SORCS1: variants seen among roughly 807,000 people sequenced by gnomAD.
SORCS1 encodes the protein VPS10 domain-containing receptor SorCS1.
SORCS1 carries 60 observed loss-of-function variants against 146.1 expected under a neutral mutation model. The ratio of observed to expected loss-of-function variants is 0.41; its 90% CI spans 0.33 to 0.51. The LOEUF (loss-of-function observed/expected upper bound fraction) is 0.51, where lower values mean the gene tolerates loss of function less well. SORCS1 is among the 20% of genes least tolerant of loss of function. The pLI, the probability that SORCS1 is intolerant of heterozygous loss-of-function variation, is 0.21. For synonymous variants in SORCS1, 637 were observed against 584.0 expected (o/e 1.09, Z -1.31); for missense variants, 1,352 against 1,487.6 (o/e 0.91, Z 1.50).
At chr10:107,026,910 T>A (rs980563703) in intron 1 of SORCS1, among the ~76,000 whole-genome samples, 1 of 151,708 alleles carries the variant, frequency 6.6e-6, no homozygotes. Context: ...AAGTCAAATA[T>A]GAGAGCATTG....
rs1315923515 is a variant in SORCS1, at chr10:106,989,670, GTTTTTTTTTGTTTTT to G, written c.559-33105_559-33091del. On this transcript the variant is annotated intron_variant, in intron 1 of 25. Transcript: ENST00000263054. Reference sequence around the variant, plus strand: ...CTCTTTATATACTCATATTTTTTCTGTTTTTTTTTGTTTTTTTTTTTTTTTTTTTTTTCTGAGATG... The same window carrying G: ...CTCTTTATATACTCATATTTTTTCTGTTTTTTTTTTTTTTTTTCTGAGATG... 6.3e-3 allele frequency among the ~76,000 whole-genome samples: 734 copies of G among 116,418 alleles called. 5 individuals are homozygous for G. Among genetic ancestry groups the G allele is most frequent in the Middle Eastern group, 0.033 (8 of 240 alleles). 76.4% of individuals were successfully genotyped at this position (116,418 alleles called of 152,430 possible). A position where few individuals can be genotyped will look rare whatever the true frequency, so the allele number is the denominator to read the frequency against.
the SORCS1 span, among the ~76,000 whole-genome samples, chr10:107,179,773 A>G: frequency 6.6e-6 from 1 of 151,998 alleles, no homozygotes; most frequent in Non-Finnish European, 1.5e-5. Flanking sequence ...TTGATTTTAC[A>G]TTGTTGAGTT....
intron 23 of SORCS1, among the ~76,000 whole-genome samples, chr10:106,602,552 A>AAAC (rs1846314102): frequency 1.6e-5 from 1 of 61,812 alleles, no homozygotes; most frequent in Non-Finnish European, 3.5e-5. Context: ...CACACACACA[A>AAAC]ACACACACAC....
chr10:106,973,318 T>A (rs1386175551), intron 1 of SORCS1, among the ~76,000 whole-genome samples: 2 of 152,214 alleles, frequency 1.3e-5, no homozygotes, highest in African/African-American at 2.4e-5. Context: ...AATGGGTAAG[T>A]ATGTCCCTGC....
At chr10:106,582,843 G>A (rs773018843) in intron 24 of SORCS1, among the ~76,000 whole-genome samples, 9 of 152,146 alleles carry the variant, frequency 5.9e-5, no homozygotes, top group Non-Finnish European at 1.0e-4. Flanking sequence ...TTTTATTCAT[G>A]AGGACCTGGA....
intron 2 of SORCS1, among the ~76,000 whole-genome samples, chr10:106,892,480 T>G (rs934826004): frequency 6.6e-6 from 1 of 152,220 alleles, no homozygotes; most frequent in Non-Finnish European, 1.5e-5. Context: ...GGTAGGCACT[T>G]ACCAAACTTT....
rs183644949 is a variant in SORCS1 at position 106,753,541 on chromosome 10, G to C, written c.959+8047C>G. The stretch of plus-strand genomic sequence containing the variant: ...TACGAGTCAGAATCAGAGAGAGAGA[G>C]AGGCTATTTTATATTCTGGAGTGTT... On this transcript the variant is annotated intron_variant, in intron 5 of 25. Coordinates refer to ENST00000263054, the MANE Select transcript of SORCS1 (RefSeq NM_052918.5). Among the ~76,000 whole-genome samples, 593 of 152,258 alleles carry C rather than the reference G, an allele frequency of 3.9e-3. 4 individuals are homozygous for C. The highest frequency in any genetic ancestry group is 0.013 in the African/African-American group (548 of 41,540).
intron 1 of SORCS1, among the ~76,000 whole-genome samples, chr10:107,032,374 T>C (rs997613347): frequency 1.3e-5 from 2 of 152,200 alleles, no homozygotes; most frequent in African/African-American, 2.4e-5. Flanking sequence ...GCAGTGTTCA[T>C]TGTCCATGTT....
At chr10:106,946,572 C>A (rs916550205) in intron 2 of SORCS1, among the ~76,000 whole-genome samples, 1 of 152,236 alleles carries the variant, frequency 6.6e-6, no homozygotes, top group African/African-American at 2.4e-5. Flanking sequence ...TACACCATGA[C>A]TGTGGGGCCT....
chr10:106,951,604 T>A lies in SORCS1; in HGVS notation c.626+4909A>T, dbSNP rs958535098. On this transcript the variant is annotated intron_variant, in intron 2 of 25. Transcript: ENST00000263054. ...CACACCTTCCCCTCACTGGACCAGA[T>A]CATTCCAAGGCATAAAGGAGTTAAT... Among the ~76,000 whole-genome samples the A allele has an allele frequency of 5.9e-5, 9 of 151,370 alleles. No homozygotes were observed. The East Asian group carries it at 1.7e-3, about 29-fold the overall frequency.
chr10:106,662,523 C>T (rs930020605), intron 17 of SORCS1, among the ~76,000 whole-genome samples: 3 of 152,138 alleles, frequency 2.0e-5, no homozygotes, highest in African/African-American at 7.2e-5. Flanking sequence ...CTCTGGCCAG[C>T]CCTACACTTG....
At chr10:107,044,864 A>G (rs1364045972) in intron 1 of SORCS1, among the ~76,000 whole-genome samples, 1 of 151,030 alleles carries the variant, frequency 6.6e-6, no homozygotes, top group Non-Finnish European at 1.5e-5. Flanking sequence ...GCAATGATGT[A>G]TTATAGGTGC....
chr10:106,975,883 C>T (rs1319915039), intron 1 of SORCS1, among the ~76,000 whole-genome samples: 1 of 152,236 alleles, frequency 6.6e-6, no homozygotes, highest in Non-Finnish European at 1.5e-5. Flanking sequence ...CATGGTGGCT[C>T]ACACCTGTAA....
chr10:106,769,314 T>C (rs1457494689), intron 4 of SORCS1, among the ~76,000 whole-genome samples: 5 of 151,646 alleles, frequency 3.3e-5, no homozygotes, highest in Non-Finnish European at 7.4e-5. Context: ...TGAAGCCCCG[T>C]CTCTACTAAA....
chr10:106,978,475 C>T (rs1205805057), intron 1 of SORCS1, among the ~76,000 whole-genome samples: 5 of 152,146 alleles, frequency 3.3e-5, no homozygotes, highest in South Asian at 2.1e-4. Flanking sequence ...ATGTAAGGAG[C>T]GGATTAGCAA....
chr10:106,936,904 T>G (rs2138671305), intron 2 of SORCS1, among the ~76,000 whole-genome samples: 1 of 152,362 alleles, frequency 6.6e-6, no homozygotes, highest in African/African-American at 2.4e-5. Context: ...CTACTTCTGA[T>G]AAACTTATGC....
At position 106,800,584 on chromosome 10, in the gene SORCS1, C is replaced by T. The variant is rs374334052; in HGVS notation, c.727-23892G>A. On this transcript the variant is annotated intron_variant, in intron 3 of 25. Coordinates refer to ENST00000263054, the MANE Select transcript of SORCS1 (RefSeq NM_052918.5). ...TTGCCTAGGCTGGAGTGTAGTGGCG[C>T]GATCTCGGCTCACTGCAAGCTCCAC... 1.1e-3 allele frequency among the ~76,000 whole-genome samples: 156 copies of T among 142,592 alleles called. 1 individual carries two copies. Among genetic ancestry groups the T allele is most frequent in the African/African-American group, 3.8e-3 (143 of 37,960 alleles). 93.5% of individuals were successfully genotyped at this position (142,592 alleles called of 152,430 possible).
At chr10:106,904,028 T>G (rs1951820705) in intron 2 of SORCS1, among the ~76,000 whole-genome samples, 1 of 152,226 alleles carries the variant, frequency 6.6e-6, no homozygotes, top group Admixed American at 6.5e-5. Context: ...ACAGCTGTTT[T>G]GTGCTTATAG....
chr10:107,138,315 T>C (rs1967509422), intron 1 of SORCS1, among the ~76,000 whole-genome samples: 1 of 152,192 alleles, frequency 6.6e-6, no homozygotes, highest in Non-Finnish European at 1.5e-5. Context: ...AGAAAGACAA[T>C]ACTTGGTGAC....
Sources: gnomAD v4.1 joint callset for allele counts (sites outside exome capture counted in the v4.1 genomes callset) on GRCh38, gnomAD v4.1.1 for gene constraint, MANE v1.5 for transcripts, NCBI Gene and HGNC (gene_info 2026-07-23, HGNC 2026-07-21) for gene names.